Variants in IKZF2 observed in about 807,000 individuals in gnomAD.
The protein encoded by IKZF2 is IKAROS family zinc finger 2.
IKZF2 carries 15 observed loss-of-function variants against 49.2 expected under a neutral mutation model. The ratio of observed to expected loss-of-function variants is 0.30; its 90% CI spans 0.20 to 0.47. The LOEUF is 0.47. Among genes scored for constraint, IKZF2 ranks in the 20% least tolerant of loss-of-function variants. IKZF2 has a pLI of 1.00. For synonymous variants in IKZF2, 227 were observed against 221.4 expected (o/e 1.03, Z -0.23); for missense variants, 567 against 664.6 (o/e 0.85, Z 1.61).
intron 1 of IKZF2, among the ~76,000 whole-genome samples, chr2:213,151,007 T>G (rs1333511440): frequency 2.0e-5 from 3 of 151,714 alleles, no homozygotes; most frequent in Non-Finnish European, 2.9e-5. Flanking sequence ...GAATTCAAGT[T>G]AAAACAAAGC....
chr2:213,119,666 G>A (rs1257544020), intron 4 of IKZF2, among the ~76,000 whole-genome samples: 1 of 152,148 alleles, frequency 6.6e-6, no homozygotes. Context: ...TCAGCTCTGA[G>A]TTATAAGAAT....
intron 8 of IKZF2, among the ~76,000 whole-genome samples, chr2:213,009,229 T>G (rs1695676939): frequency 6.6e-6 from 1 of 152,122 alleles, no homozygotes; most frequent in African/African-American, 2.4e-5. Flanking sequence ...TCCAATATTT[T>G]ACATCAACAT....
intron 4 of IKZF2, among the ~76,000 whole-genome samples, chr2:213,132,656 T>C (rs1354106739): frequency 1.3e-5 from 2 of 152,170 alleles, no homozygotes; most frequent in Non-Finnish European, 2.9e-5. Flanking sequence ...CATCTAGTTA[T>C]ACAAGTAAAT....
chr2:213,046,398 T>C (rs1700159810), intron 6 of IKZF2, among the ~76,000 whole-genome samples: 1 of 152,182 alleles, frequency 6.6e-6, no homozygotes, highest in African/African-American at 2.4e-5. Context: ...TATGGCCTCA[T>C]GGGGTATTCT....
At chr2:213,009,419 C>T (rs891777386) in intron 8 of IKZF2, among the ~76,000 whole-genome samples, 7 of 151,988 alleles carry the variant, frequency 4.6e-5, no homozygotes, top group Admixed American at 1.3e-4. Context: ...CAGATAAATG[C>T]TTCTTAAAAA....
At chr2:213,029,572 T>G (rs1223772362) in intron 6 of IKZF2, among the ~76,000 whole-genome samples, 1 of 152,094 alleles carries the variant, frequency 6.6e-6, no homozygotes, top group Non-Finnish European at 1.5e-5. Flanking sequence ...TCTATTTTAT[T>G]GATCTTCTCA....
At chr2:213,026,993 C>T (rs944270391) in intron 6 of IKZF2, among the ~76,000 whole-genome samples, 5 of 151,774 alleles carry the variant, frequency 3.3e-5, no homozygotes, top group Non-Finnish European at 5.9e-5. Context: ...TCAAATAGTC[C>T]CAAGTGGCAT....
intron 4 of IKZF2, among the ~76,000 whole-genome samples, chr2:213,072,308 T>TC (rs954757149): frequency 2.4e-4 from 36 of 151,878 alleles, no homozygotes; most frequent in Admixed American, 7.2e-4. Context: ...TTTTTTTTTT[T>TC]TCTGTTTCGA....
intron 4 of IKZF2, among the ~76,000 whole-genome samples, chr2:213,066,715 G>C (rs73077217): frequency 0.028 from 4,241 of 151,998 alleles, 188 homozygotes; most frequent in African/African-American, 0.095. Flanking sequence ...TGTTGTTGTT[G>C]TTCTTCTTCT....
chr2:213,147,747 G>C lies in IKZF2; in HGVS notation c.100C>G (p.Pro34Ala). The C allele has an allele frequency of 6.2e-7, 1 of 1,613,964 alleles. No homozygotes were observed. The highest frequency in any genetic ancestry group is 8.5e-7 in the Non-Finnish European group (1 of 1,179,866). The change falls in exon 4 of 9, where the codon CCC (proline) becomes GCC (alanine). Residue 34 changes from proline (P) to alanine (A), a missense_variant. Around this residue, in one of 5 missense-constraint regions of IKZF2, gnomAD observed 156 missense variants for 138.5 expected, o/e 1.13. Coordinates refer to ENST00000434687, the MANE Select transcript of IKZF2 (RefSeq NM_001387220.1). ...CTTGGTGAGGCATGCTGTCCATTGGGTGTGCTTGAGGTGAGGTCAATTGCC... is the reference window on the plus strand; with the variant it reads ...CTTGGTGAGGCATGCTGTCCATTGGCTGTGCTTGAGGTGAGGTCAATTGCC... ...NMAIDLTSST[P>A]NGQHASPSHM...
intron 6 of IKZF2, among the ~76,000 whole-genome samples, chr2:213,043,214 T>A (rs1347787196): frequency 6.6e-6 from 1 of 150,928 alleles, no homozygotes; most frequent in Non-Finnish European, 1.5e-5. Flanking sequence ...ACACCCCTAG[T>A]ATTTACTTAA....
chr2:213,136,263 C>T (rs1239865751), intron 4 of IKZF2, among the ~76,000 whole-genome samples: 6 of 143,960 alleles, frequency 4.2e-5, no homozygotes, highest in Non-Finnish European at 7.5e-5. Flanking sequence ...CCCAGCTACT[C>T]GGGAGACTGA....
intron 4 of IKZF2, among the ~76,000 whole-genome samples, chr2:213,072,296 G>T (rs200539488): frequency 0.058 from 8,395 of 144,474 alleles, 333 homozygotes; most frequent in African/African-American, 0.11. Context: ...CCTTTCCTTT[G>T]TTTTTTTTTT....
intron 4 of IKZF2, among the ~76,000 whole-genome samples, chr2:213,094,515 C>T (rs867308960): frequency 6.6e-6 from 1 of 151,940 alleles, no homozygotes; most frequent in Non-Finnish European, 1.5e-5. Context: ...AATCTGAGAC[C>T]CCCCTAGCCT....
chr2:213,094,518 C>G (rs1240716599), intron 4 of IKZF2, among the ~76,000 whole-genome samples: 2 of 152,008 alleles, frequency 1.3e-5, no homozygotes, highest in African/African-American at 4.8e-5. Flanking sequence ...CTGAGACCCC[C>G]CTAGCCTGGG....
At chr2:213,010,311 G>A (rs913873692) in intron 8 of IKZF2, among the ~76,000 whole-genome samples, 4 of 152,080 alleles carry the variant, frequency 2.6e-5, no homozygotes, top group African/African-American at 9.7e-5. Context: ...GTGTGAAGGG[G>A]ATGGGTCAAA....
intron 4 of IKZF2, among the ~76,000 whole-genome samples, chr2:213,073,775 T>A (rs1225748937): frequency 6.6e-6 from 1 of 152,246 alleles, no homozygotes; most frequent in African/African-American, 2.4e-5. Flanking sequence ...AGTGGCACGA[T>A]CTTGGCTCAC....
intron 4 of IKZF2, among the ~76,000 whole-genome samples, chr2:213,073,414 A>C (rs1702915265): frequency 6.6e-6 from 1 of 152,198 alleles, no homozygotes; most frequent in South Asian, 2.1e-4. Flanking sequence ...GTATACAAAA[A>C]TTAAACAGAA....
At chr2:213,056,707 G>T in intron 5 of IKZF2, 126 bp downstream of exon 5, 1 of 1,125,468 alleles carries the variant, frequency 8.9e-7, no homozygotes, top group Non-Finnish European at 1.3e-6. Flanking sequence ...TCCAATACTA[G>T]CAGAATTCTG....
Sources: allele counts gnomAD v4.1 joint callset (sites outside exome capture counted in the v4.1 genomes callset), GRCh38; gene constraint gnomAD v4.1.1; regional missense constraint gnomAD v4.1.1; transcripts MANE v1.5; gene names NCBI Gene and HGNC (gene_info 2026-07-23, HGNC 2026-07-21).